ITPR1: variants seen among roughly 807,000 people sequenced by gnomAD.
ITPR1 encodes inositol 1,4,5-trisphosphate receptor type 1.
A neutral mutation model predicts 318.4 loss-of-function variants in ITPR1; 96 were observed. The observed-to-expected ratio is 0.30, with a 90% CI of 0.26 to 0.36. ITPR1 has a LOEUF of 0.36. Among genes scored for constraint, ITPR1 ranks in the 10% least tolerant of loss-of-function variants. The pLI is 1.00. For synonymous variants in ITPR1, 1,312 were observed against 1,289.9 expected, an observed-to-expected ratio of 1.02 and a Z score of -0.37; for missense variants, 2,440 against 3,460.2, an observed-to-expected ratio of 0.71 and a Z score of 7.40.
intron 4 of ITPR1, among the ~76,000 whole-genome samples, chr3:4,609,001 T>TAAAAAAAAA (rs56738231): frequency 1.9e-5 from 1 of 53,424 alleles, no homozygotes; most frequent in Non-Finnish European, 3.9e-5. Context: ...ACTCCGTCTT[T>TAAAAAAAAA]AAAAAAAAAA....
At chr3:4,597,156 T>TA (rs1316512466) in intron 4 of ITPR1, among the ~76,000 whole-genome samples, 1 of 152,196 alleles carries the variant, frequency 6.6e-6, no homozygotes, top group African/African-American at 2.4e-5. Context: ...GTTTGTTTTT[T>TA]AAGGAAAAGA....
intron 4 of ITPR1, among the ~76,000 whole-genome samples, chr3:4,584,621 G>A (rs969889084): frequency 1.4e-4 from 22 of 151,910 alleles, no homozygotes; most frequent in African/African-American, 5.1e-4. Context: ...GGGGCCGAAG[G>A]AAACGTTTTT....
chr3:4,501,033 AT>A (rs34728121), intron 2 of ITPR1, among the ~76,000 whole-genome samples: 93,452 of 150,948 alleles, frequency 0.62, 29,046 homozygotes, highest in East Asian at 0.79. Flanking sequence ...TAAAAAAAAA[AT>A]TTTTTTTTGT....
chr3:4,629,766 C>T (rs528175090), intron 5 of ITPR1, among the ~76,000 whole-genome samples: 6 of 152,304 alleles, frequency 3.9e-5, no homozygotes, highest in South Asian at 2.1e-4. Context: ...GGTGCCAAAT[C>T]GGTCTTTGCT....
intron 4 of ITPR1, among the ~76,000 whole-genome samples, chr3:4,596,864 T>G (rs1042356987): frequency 2.0e-4 from 31 of 152,240 alleles, no homozygotes; most frequent in African/African-American, 7.0e-4. Context: ...TGGAAACAAG[T>G]TGACTTTATA....
chr3:4,681,002 A>G (rs1407586576), intron 25 of ITPR1, among the ~76,000 whole-genome samples: 1 of 152,128 alleles, frequency 6.6e-6, no homozygotes, highest in African/African-American at 2.4e-5. Flanking sequence ...AAAACTCTCC[A>G]GGAGACTTCT....
chr3:4,604,988 G>T (rs2091596125), intron 4 of ITPR1, among the ~76,000 whole-genome samples: 1 of 151,866 alleles, frequency 6.6e-6, no homozygotes. Flanking sequence ...TTTTGGGTGG[G>T]GGGGATGGAG....
chr3:4,604,519 C>T (rs1008710065), intron 4 of ITPR1, among the ~76,000 whole-genome samples: 1 of 151,994 alleles, frequency 6.6e-6, no homozygotes, highest in Non-Finnish European at 1.5e-5. Flanking sequence ...GTGGGATCAG[C>T]GAGGAGATGA....
chr3:4,511,565 A>AT (rs2081827087), intron 2 of ITPR1, among the ~76,000 whole-genome samples: 1 of 152,224 alleles, frequency 6.6e-6, no homozygotes, highest in Non-Finnish European at 1.5e-5. Context: ...TGCCTACTTC[A>AT]CGCCAGATGC....
At chr3:4,836,725 G>A in intron 60 of ITPR1, 49 bp from the exon 61 acceptor site, 1 of 1,300,936 alleles carries the variant, frequency 7.7e-7, no homozygotes, top group Non-Finnish European at 9.9e-7. Context: ...ACCTCTAGAA[G>A]TGACTCAGTC....
chr3:4,802,836 A>AG (rs946310434), intron 54 of ITPR1, among the ~76,000 whole-genome samples: 3 of 147,358 alleles, frequency 2.0e-5, no homozygotes, highest in African/African-American at 7.7e-5. Flanking sequence ...AAAAAAAAAA[A>AG]GAAAGAAAGA....
chr3:4,651,700 C>T (rs1400016773), intron 10 of ITPR1, among the ~76,000 whole-genome samples: 2 of 152,204 alleles, frequency 1.3e-5, no homozygotes, highest in African/African-American at 4.8e-5. Context: ...GATACATTGG[C>T]CCCGGCTCTG....
At chr3:4,587,004 A>G (rs982855277) in intron 4 of ITPR1, among the ~76,000 whole-genome samples, 2 of 152,108 alleles carry the variant, frequency 1.3e-5, no homozygotes, top group Non-Finnish European at 2.9e-5. Flanking sequence ...ATCACCCGGG[A>G]GATTCAAAAA....
At chr3:4,639,054 G>C (rs1170037323) in intron 5 of ITPR1, among the ~76,000 whole-genome samples, 1 of 151,996 alleles carries the variant, frequency 6.6e-6, no homozygotes, top group East Asian at 1.9e-4. Flanking sequence ...ATTATAAAGG[G>C]GCTATGCAAA....
At chr3:4,606,899 C>T (rs1245086202) in intron 4 of ITPR1, among the ~76,000 whole-genome samples, 3 of 152,088 alleles carry the variant, frequency 2.0e-5, no homozygotes, top group Non-Finnish European at 2.9e-5. Flanking sequence ...AAGAGTGCTG[C>T]ATGGTTTACA....
At chr3:4,825,563 A>C (rs1046444031) in intron 60 of ITPR1, among the ~76,000 whole-genome samples, 3 of 152,230 alleles carry the variant, frequency 2.0e-5, no homozygotes, top group African/African-American at 7.2e-5. Context: ...CTATGAGGAA[A>C]CATTATGAGA....
chr3:4,560,552 AG>A (rs2086573359), intron 4 of ITPR1, among the ~76,000 whole-genome samples: 1 of 152,196 alleles, frequency 6.6e-6, no homozygotes, highest in Non-Finnish European at 1.5e-5. Flanking sequence ...GAAGCATAAG[AG>A]GCGACTTTTG....
rs757884738 is a variant in ITPR1 at position 4,814,368 on chromosome 3, C to T, written c.7562-55C>T. The T allele has an allele frequency of 1.1e-5, 18 of 1,589,810 alleles. No homozygotes were observed. The Admixed American group carries it at 1.2e-4, about 10-fold the overall frequency. On this transcript the variant is annotated intron_variant, in intron 57 of 61. Coordinates refer to ENST00000649015, the MANE Select transcript of ITPR1 (RefSeq NM_001378452.1). ...TTCAGGAAACAGGATTTCAAAATCCCGGTCTCTCTTTTCTCCTCACGTTTT... is the reference window on the plus strand; with the variant it reads ...TTCAGGAAACAGGATTTCAAAATCCTGGTCTCTCTTTTCTCCTCACGTTTT...
At chr3:4,655,399 A>G (rs2093683581) in intron 12 of ITPR1, among the ~76,000 whole-genome samples, 1 of 152,176 alleles carries the variant, frequency 6.6e-6, no homozygotes, top group East Asian at 1.9e-4. Context: ...TTTATGGTGC[A>G]GGAGGAAGAG....
Sources: allele counts gnomAD v4.1 joint callset (sites outside exome capture counted in the v4.1 genomes callset), GRCh38; gene constraint gnomAD v4.1.1; transcripts MANE v1.5; gene names NCBI Gene and HGNC (gene_info 2026-07-23, HGNC 2026-07-21).